The following RANBP2 variants were observed in gnomAD, a reference collection of about 807,000 sequenced individuals.
RANBP2 encodes the protein E3 SUMO-protein ligase RanBP2.
In RANBP2, 57 loss-of-function variants were observed where a neutral mutation model predicts 303.6. The observed-to-expected ratio is 0.19, with a 90% CI of 0.15 to 0.23. The LOEUF is 0.23. Among genes scored for constraint, RANBP2 ranks in the 10% least tolerant of loss-of-function variants. RANBP2 has a pLI of 1.00. For missense variants in RANBP2, 3,138 were observed against 3,780.8 expected (o/e 0.83, Z 4.46); for synonymous variants, 1,167 against 1,301.5 (o/e 0.90, Z 2.23).
chr2:108,788,568 A>C (rs1679339594), downstream of RANBP2, among the ~76,000 whole-genome samples: 1 of 151,396 alleles, frequency 6.6e-6, no homozygotes, highest in Admixed American at 6.6e-5. Flanking sequence ...AAAATACAAA[A>C]AATTAGCCGG....
At chr2:109,077,061 C>A in the RANBP2 span, among the ~76,000 whole-genome samples, 12 of 150,450 alleles carry the variant, frequency 8.0e-5, 1 homozygote, top group Middle Eastern at 0.01. Context: ...ACCAATGGAA[C>A]AAAATAGCCC....
intron 9 of RANBP2, among the ~76,000 whole-genome samples, chr2:108,749,876 A>T (rs1364424260): frequency 3.9e-5 from 6 of 152,126 alleles, no homozygotes; most frequent in Admixed American, 3.3e-4. Flanking sequence ...TAGGCCTGGC[A>T]CAGTGGCTCA....
the RANBP2 span, among the ~76,000 whole-genome samples, chr2:109,378,212 C>T: frequency 2.0e-5 from 3 of 152,234 alleles, no homozygotes; most frequent in Non-Finnish European, 4.4e-5. Flanking sequence ...GGTGGGTTCA[C>T]CCACCGGCTT....
At chr2:109,449,870 C>T in the RANBP2 span, among the ~76,000 whole-genome samples, 1 of 152,218 alleles carries the variant, frequency 6.6e-6, no homozygotes, top group Non-Finnish European at 1.5e-5. Flanking sequence ...TACAAATCTA[C>T]GTGTGCAGTG....
chr2:108,912,622 C>A, the RANBP2 span: 5 of 1,485,130 alleles, frequency 3.4e-6, no homozygotes, highest in South Asian at 6.0e-5. Context: ...CTCTTCTGAG[C>A]TTTCATCCGA....
At chr2:109,241,890 C>T in the RANBP2 span, among the ~76,000 whole-genome samples, 7 of 151,896 alleles carry the variant, frequency 4.6e-5, no homozygotes, top group South Asian at 8.3e-4. Flanking sequence ...CTCAGCCTCC[C>T]GAGTAGCTGG....
the RANBP2 span, among the ~76,000 whole-genome samples, chr2:109,096,469 C>T: frequency 6.6e-6 from 1 of 152,134 alleles, no homozygotes; most frequent in Non-Finnish European, 1.5e-5. Flanking sequence ...ATGTTTTTGT[C>T]ATCCACAGAC....
At chr2:109,223,042 G>T in the RANBP2 span, among the ~76,000 whole-genome samples, 2 of 152,226 alleles carry the variant, frequency 1.3e-5, no homozygotes, top group Non-Finnish European at 2.9e-5. Flanking sequence ...CCATCAGATG[G>T]TGTGATCCCA....
At chr2:109,125,061 A>C in the RANBP2 span, among the ~76,000 whole-genome samples, 1 of 152,274 alleles carries the variant, frequency 6.6e-6, no homozygotes, top group Non-Finnish European at 1.5e-5. Context: ...CCAGGAAAGC[A>C]GTGGAGGCTA....
the RANBP2 span, among the ~76,000 whole-genome samples, chr2:109,499,754 C>G: frequency 1.3e-5 from 2 of 152,166 alleles, no homozygotes; most frequent in African/African-American, 4.8e-5. Context: ...GATAGCAGAG[C>G]AGGGGGGTGT....
At chr2:109,587,336 GA>G in the RANBP2 span, among the ~76,000 whole-genome samples, 1 of 151,708 alleles carries the variant, frequency 6.6e-6, no homozygotes, top group Non-Finnish European at 1.5e-5. Flanking sequence ...CTCACAGAAA[GA>G]AAAAAGATAA....
chr2:109,723,305 C>T, the RANBP2 span, among the ~76,000 whole-genome samples: 2 of 152,130 alleles, frequency 1.3e-5, no homozygotes, highest in Non-Finnish European at 2.9e-5. Flanking sequence ...GTGTGTGCCA[C>T]ACGCCCGGCT....
chr2:108,845,901 C>A, the RANBP2 span, among the ~76,000 whole-genome samples: 1 of 152,110 alleles, frequency 6.6e-6, no homozygotes, highest in Non-Finnish European at 1.5e-5. Flanking sequence ...ATATCAAATA[C>A]CATTAGATCA....
chr2:109,182,495 A>C, the RANBP2 span, among the ~76,000 whole-genome samples: 1 of 152,256 alleles, frequency 6.6e-6, no homozygotes. Context: ...AGGTGTCTGC[A>C]TAGTATAATC....
At chr2:109,163,922 A>G in the RANBP2 span, among the ~76,000 whole-genome samples, 3 of 152,362 alleles carry the variant, frequency 2.0e-5, no homozygotes, top group East Asian at 5.8e-4. Context: ...TAGATGGGCT[A>G]GGACTGGTTT....
the RANBP2 span, among the ~76,000 whole-genome samples, chr2:108,827,722 A>G: frequency 2.0e-5 from 3 of 151,954 alleles, no homozygotes; most frequent in Admixed American, 1.3e-4. Context: ...AGGCTGAGGC[A>G]GGAGAATGGC....
the RANBP2 span, among the ~76,000 whole-genome samples, chr2:109,595,773 C>T: frequency 1.3e-5 from 2 of 152,080 alleles, no homozygotes; most frequent in African/African-American, 4.8e-5. Context: ...ACTGAGTAAA[C>T]CAGAAATGTC....
chr2:109,628,500 TAATAAATAAATAAATAAATA>T, the RANBP2 span, among the ~76,000 whole-genome samples: 5 of 146,842 alleles, frequency 3.4e-5, no homozygotes, highest in African/African-American at 7.6e-5. Context: ...TCTCAAAAAA[TAATAAATAAATAAATAAATA>T]AATAAATAAA....
chr2:109,569,412 T>C, the RANBP2 span, among the ~76,000 whole-genome samples: 3 of 145,336 alleles, frequency 2.1e-5, no homozygotes, highest in African/African-American at 5.2e-5. Flanking sequence ...CACTTCAGCC[T>C]GGGCAACAAG....
Sources: gnomAD v4.1 joint callset for allele counts (sites outside exome capture counted in the v4.1 genomes callset) on GRCh38, gnomAD v4.1.1 for gene constraint, MANE v1.5 for transcripts, NCBI Gene and HGNC (gene_info 2026-07-23, HGNC 2026-07-21) for gene names.